The following MICU2 variants were observed in gnomAD, a reference collection of about 807,000 sequenced individuals.
The protein encoded by MICU2 is calcium uptake protein 2, mitochondrial.
Under a neutral mutation model 60.4 loss-of-function variants are expected in MICU2, and 64 were observed. The observed-to-expected ratio is 1.06, with a 90% confidence interval of 0.87 to 1.31. The LOEUF is 1.31. Among genes scored for constraint, MICU2 ranks in the 50% most tolerant of loss-of-function variants. The probability of loss-of-function intolerance (pLI) is 0.00; values close to 1 mark genes in which losing one functional copy is unlikely to be tolerated. For synonymous variants in MICU2, 201 were observed against 175.0 expected, an observed-to-expected ratio of 1.15 and a Z score of -1.17; for missense variants, 569 against 531.0, an observed-to-expected ratio of 1.07 and a Z score of -0.70.
rs370202488 is a variant in MICU2, at chr13:21,566,796, C to T, written c.358+1G>A. On this transcript the variant is annotated splice_donor_variant, in intron 2 of 11. Transcript: ENST00000382374. LOFTEE classifies it high-confidence loss of function. ...TTAAAAAAAAAAAAGACCCAACTCA[C>T]GTTCCATTTGCTCAAACATCACTGA... 227 of 1,558,612 alleles carry T rather than the reference C, an allele frequency of 1.5e-4. No individual in the cohort carries two copies. Among genetic ancestry groups the T allele is most frequent in the African/African-American group, 2.1e-4 (15 of 72,150 alleles).
chr13:21,599,916 A>G (rs932621044), intron 1 of MICU2, among the ~76,000 whole-genome samples: 1 of 152,252 alleles, frequency 6.6e-6, no homozygotes, highest in Non-Finnish European at 1.5e-5. Flanking sequence ...AAAATATCTG[A>G]GATTTCTGTT....
chr13:21,498,584 G>A (rs1246227236), intron 9 of MICU2, among the ~76,000 whole-genome samples: 2 of 151,782 alleles, frequency 1.3e-5, no homozygotes, highest in Non-Finnish European at 2.9e-5. Flanking sequence ...TCACCATATT[G>A]GTCAGGCTGG....
rs768873080 is a variant in MICU2 at position 21,603,971 on chromosome 13, C to G, written c.178G>C (p.Ala60Pro). ...AWHHSRVSVA[A>P]RDGSFTVSAQ... ...GAGACTGTAAAACTGCCATCCCGCG[C>G]CGCAACACTGACGCGGCTGTGGTGC... The change falls in exon 1 of 12, where the codon GCG becomes CCG. Residue 60 changes from alanine to proline, a missense_variant. Coordinates refer to ENST00000382374, the MANE Select transcript of MICU2 (RefSeq NM_152726.3). The G allele has an allele frequency of 6.2e-7, 1 of 1,612,502 alleles. No homozygotes were observed.
At chr13:21,520,895 A>G (rs1005518629) in intron 6 of MICU2, among the ~76,000 whole-genome samples, 11 of 151,984 alleles carry the variant, frequency 7.2e-5, no homozygotes, top group Non-Finnish European at 2.9e-5. Flanking sequence ...TTCTTTTTGT[A>G]TATCTTTAAT....
chr13:21,530,207 T>C (rs74039340), intron 4 of MICU2, among the ~76,000 whole-genome samples: 32,128 of 152,190 alleles, frequency 0.21, 3,863 homozygotes, highest in African/African-American at 0.32. Flanking sequence ...CCACAGCCAC[T>C]GCATGTGCAT....
chr13:21,546,864 C>G (rs1344857646), intron 2 of MICU2, among the ~76,000 whole-genome samples: 2 of 152,194 alleles, frequency 1.3e-5, no homozygotes, highest in African/African-American at 4.8e-5. Context: ...GATAAACTTA[C>G]TATTAGTTCT....
chr13:21,521,296 T>C lies in MICU2; in HGVS notation c.546A>G (p.Lys182=). 6.2e-7 allele frequency: 1 copy of C among 1,610,716 alleles called. No individual in the cohort carries two copies. The highest frequency in any genetic ancestry group is 1.3e-5 in the African/African-American group (1 of 74,850). ...KPHSGFHVAF[K]MLDTDGNEMI... Reference sequence around the variant, plus strand: ...TCTCATTACCATCTGTATCCAGCATTTTAAAAGCAACATGAAATCCAGAAT... The same window carrying C: ...TCTCATTACCATCTGTATCCAGCATCTTAAAAGCAACATGAAATCCAGAAT... The change falls in exon 6 of 12, where the codon AAA becomes AAG. Residue 182 remains lysine, a synonymous_variant. Transcript: ENST00000382374.
rs772908338 is a variant in MICU2, at chr13:21,604,123, G to A, written c.26C>T (p.Ala9Val). 3.2e-6 allele frequency: 5 copies of A among 1,572,584 alleles called. No homozygotes were observed. The South Asian group carries it at 3.5e-5, about 11-fold the overall frequency. ...TTTTCCGCCCCAGGCCGCCACCCGC[G>A]CGCAGCTACCCGCAGCCGCCGCCAT... Reference protein sequence around the residue: MAAAAGSCARVAAWGGKLR... With the variant: MAAAAGSCVRVAAWGGKLR... The change falls in exon 1 of 12, where the codon GCG becomes GTG. Residue 9 changes from alanine to valine, a missense_variant. Physicochemically the swap from Ala to Val is moderately conservative, Grantham distance 64. Coordinates refer to ENST00000382374, the MANE Select transcript of MICU2 (RefSeq NM_152726.3).
chr13:21,580,262 G>A (rs936851988), intron 1 of MICU2, among the ~76,000 whole-genome samples: 5 of 152,192 alleles, frequency 3.3e-5, no homozygotes, highest in African/African-American at 9.7e-5. Context: ...GTTCTCTGGT[G>A]CAGGTTAAAG....
chr13:21,604,116 C>CACCCGCGCGCAGCT lies in MICU2; in HGVS notation c.19_32dup (p.Trp14ArgfsTer69), dbSNP rs1888902404. 3 of 1,577,924 alleles carry CACCCGCGCGCAGCT rather than the reference C, an allele frequency of 1.9e-6. No homozygotes were observed. In the East Asian group the frequency reaches 7.1e-5, roughly 37 times the overall value. Reference sequence around the variant, plus strand: ...GTCGCAGTTTTCCGCCCCAGGCCGCCACCCGCGCGCAGCTACCCGCAGCCG... The same window carrying CACCCGCGCGCAGCT: ...GTCGCAGTTTTCCGCCCCAGGCCGCCACCCGCGCGCAGCTACCCGCGCGCAGCTACCCGCAGCCG... On this transcript the variant is annotated frameshift_variant, in exon 1 of 12. Coordinates refer to ENST00000382374, the MANE Select transcript of MICU2 (RefSeq NM_152726.3). LOFTEE classifies it high-confidence loss of function.
intron 1 of MICU2, among the ~76,000 whole-genome samples, chr13:21,588,712 G>A (rs1335617800): frequency 6.6e-6 from 1 of 152,168 alleles, no homozygotes; most frequent in East Asian, 1.9e-4. Flanking sequence ...TTGTGCTTTA[G>A]TCCAGTTGGC....
At chr13:21,576,774 C>T in intron 1 of MICU2, among the ~76,000 whole-genome samples, 1 of 152,116 alleles carries the variant, frequency 6.6e-6, no homozygotes, top group Non-Finnish European at 1.5e-5. Flanking sequence ...TAGCAGTTTG[C>T]CTCTCTATCA....
chr13:21,518,599 C>A (rs1886639362), intron 6 of MICU2, among the ~76,000 whole-genome samples: 1 of 152,188 alleles, frequency 6.6e-6, no homozygotes, highest in Non-Finnish European at 1.5e-5. Flanking sequence ...AAAATCCTCC[C>A]AAGTCTGAAA....
Position 21,496,155 on chromosome 13 carries a change from A to G in MICU2, c.939T>C (p.Ile313=). 1 of 1,608,826 alleles carries G rather than the reference A, an allele frequency of 6.2e-7. No individual in the cohort carries two copies. Among genetic ancestry groups the G allele is most frequent in the Non-Finnish European group, 8.5e-7 (1 of 1,176,736 alleles). Residue 313 remains isoleucine, a synonymous_variant, in exon 10 of 12, where the codon ATT becomes ATC. Transcript: ENST00000382374. ...AAAATGACTTGAATTCATCCAAACTAATGCTCTAATAAAGTAAGAGTTTTT... is the reference window on the plus strand; with the variant it reads ...AAAATGACTTGAATTCATCCAAACTGATGCTCTAATAAAGTAAGAGTTTTT... ...VREKLSAGES[I]SLDEFKSFCH... is the part of the protein sequence containing the mutation.
chr13:21,510,101 C>A lies in MICU2; in HGVS notation c.664G>T (p.Glu222Ter). Reference sequence around the variant, plus strand: ...ATTTCAGGTTCTTTCACTATTGCTTCCTATTAAAAAAATCACAATAATTTA... The same window carrying A: ...ATTTCAGGTTCTTTCACTATTGCTTACTATTAAAAAAATCACAATAATTTA... The part of the protein sequence containing the change: ...TVKTNETGYQ[E>*]AIVKEPEINT... Residue 222 changes from glutamate (E) to a stop codon, truncating the protein, a stop_gained and splice_region_variant, in exon 8 of 12, where the codon GAA becomes TAA. Transcript: ENST00000382374. LOFTEE classifies it high-confidence loss of function. 5 of 1,419,296 alleles carry A rather than the reference C, an allele frequency of 3.5e-6. No homozygotes were observed. The highest frequency in any genetic ancestry group is 2.8e-6 in the Non-Finnish European group (3 of 1,076,936). 87.9% of individuals were successfully genotyped at this position (1,419,296 alleles called of 1,614,324 possible).
At chr13:21,603,153 G>T (rs1440262048) in intron 1 of MICU2, among the ~76,000 whole-genome samples, 2 of 152,126 alleles carry the variant, frequency 1.3e-5, no homozygotes, top group Non-Finnish European at 2.9e-5. Flanking sequence ...GCGGGGCTGG[G>T]GTGGGGAGCG....
chr13:21,604,110 G>A lies in MICU2; in HGVS notation c.39C>T (p.Ala13=), dbSNP rs745714754. 5 of 1,583,106 alleles carry A rather than the reference G, an allele frequency of 3.2e-6. No individual in the cohort carries two copies. The highest frequency in any genetic ancestry group is 4.3e-6 in the Non-Finnish European group (5 of 1,166,616). Reference sequence around the variant, plus strand: ...GCCCCCGTCGCAGTTTTCCGCCCCAGGCCGCCACCCGCGCGCAGCTACCCG... The same window carrying A: ...GCCCCCGTCGCAGTTTTCCGCCCCAAGCCGCCACCCGCGCGCAGCTACCCG... ...AAAGSCARVA[A]WGGKLRRGLA... The change falls in exon 1 of 12, where the codon GCC becomes GCT. Residue 13 remains alanine, a synonymous_variant. Coordinates refer to ENST00000382374, the MANE Select transcript of MICU2 (RefSeq NM_152726.3).
chr13:21,562,550 A>AT (rs993861607), intron 2 of MICU2, among the ~76,000 whole-genome samples: 4 of 152,076 alleles, frequency 2.6e-5, no homozygotes, highest in Non-Finnish European at 4.4e-5. Context: ...TATTAAAAAT[A>AT]TTTTTTTAGT....
intron 7 of MICU2, among the ~76,000 whole-genome samples, chr13:21,513,228 T>C (rs1307647538): frequency 6.6e-6 from 1 of 152,126 alleles, no homozygotes; most frequent in Non-Finnish European, 1.5e-5. Flanking sequence ...CAATAGGCCT[T>C]TTATTTCCTT....
Sources: gnomAD v4.1 joint callset for allele counts (sites outside exome capture counted in the v4.1 genomes callset) on GRCh38, gnomAD v4.1.1 for gene constraint, MANE v1.5 for transcripts, NCBI Gene and HGNC (gene_info 2026-07-23, HGNC 2026-07-21) for gene names.